Variants in RUBCNL observed in about 807,000 individuals in gnomAD.
RUBCNL encodes the protein protein associated with UVRAG as autophagy enhancer.
A neutral mutation model predicts 69.5 loss-of-function variants in RUBCNL; 62 were observed. That is an observed-to-expected ratio of 0.89 (90% confidence interval 0.73 to 1.10). RUBCNL has a LOEUF of 1.10. RUBCNL is among the 50% of genes least tolerant of loss of function. The probability of loss-of-function intolerance (pLI) is 0.00; values close to 1 mark genes in which losing one functional copy is unlikely to be tolerated. For synonymous variants in RUBCNL, 291 were observed against 303.6 expected (o/e 0.96, Z 0.43); for missense variants, 768 against 798.1 (o/e 0.96, Z 0.45).
At chr13:46,375,802 A>G (rs2048979631) in intron 2 of RUBCNL, among the ~76,000 whole-genome samples, 1 of 152,122 alleles carries the variant, frequency 6.6e-6, no homozygotes, top group Admixed American at 6.5e-5. Flanking sequence ...TAAGGATTAT[A>G]ATTTATACAC....
chr13:46,389,129 ACTTTTT>A (rs1303265163), upstream of RUBCNL, among the ~76,000 whole-genome samples: 1 of 152,202 alleles, frequency 6.6e-6, no homozygotes, highest in African/African-American at 2.4e-5. This position sits in a 1 kb window ranked among gnomAD's most constrained non-coding sequence, Gnocchi z 4.2. Flanking sequence ...TGTGCCAGGT[ACTTTTT>A]CTTATTATTT....
At chr13:46,353,347 AAC>A (rs1365947560) in intron 10 of RUBCNL, among the ~76,000 whole-genome samples, 5 of 152,326 alleles carry the variant, frequency 3.3e-5, no homozygotes, top group Admixed American at 2.6e-4. Flanking sequence ...TTCTGGTAGC[AAC>A]AGTTTCATCT....
chr13:46,386,620 G>C, intron 1 of RUBCNL, among the ~76,000 whole-genome samples: 1 of 152,122 alleles, frequency 6.6e-6, no homozygotes, highest in East Asian at 1.9e-4. Flanking sequence ...AGTGGGGGTT[G>C]CTATGTAGGG....
rs1200810242 is a variant in RUBCNL at position 46,338,535 on chromosome 13, G to T, written c.*4850C>A. Among the ~76,000 whole-genome samples, 1 of 152,138 alleles carries T rather than the reference G, an allele frequency of 6.6e-6. No individual in the cohort carries two copies. Among genetic ancestry groups the T allele is most frequent in the Non-Finnish European group, 1.5e-5 (1 of 68,032 alleles). On this transcript the variant is annotated 3_prime_UTR_variant, in exon 15 of 15. Coordinates refer to ENST00000429979, the MANE Select transcript of RUBCNL (RefSeq NM_025113.5). ...GGGGCTCCATTTGATCTAACAGGAG[G>T]GGTGGGGGCTTTGGGTGCGCTTGCC... is the stretch of plus-strand genomic sequence containing the variant.
At chr13:46,368,363 T>C in intron 4 of RUBCNL, 114 bp from the exon 5 acceptor site, 2 of 1,405,988 alleles carry the variant, frequency 1.4e-6, no homozygotes, top group South Asian at 2.9e-5. Flanking sequence ...CATATCAGTA[T>C]AAATATTCAT....
intron 1 of RUBCNL, among the ~76,000 whole-genome samples, chr13:46,386,045 T>C (rs2049235156): frequency 1.3e-5 from 2 of 152,302 alleles, no homozygotes; most frequent in South Asian, 2.1e-4. Flanking sequence ...GCCATAAAGA[T>C]GCTGTCTTAA....
chr13:46,363,018 A>T, intron 6 of RUBCNL, 97 bp downstream of exon 6: 1 of 342,214 alleles, frequency 2.9e-6, no homozygotes, highest in Non-Finnish European at 5.0e-6. Context: ...TTTGAATGCC[A>T]CTGTAACGTA....
intron 5 of RUBCNL, 63 bp from the exon 6 acceptor site, chr13:46,363,276 C>A: frequency 1.4e-6 from 1 of 722,392 alleles, no homozygotes; most frequent in Non-Finnish European, 2.2e-6. Flanking sequence ...GTACAACCTG[C>A]AACACCCAAC....
intron 9 of RUBCNL, among the ~76,000 whole-genome samples, chr13:46,359,007 G>T (rs917645285): frequency 2.6e-5 from 4 of 152,036 alleles, no homozygotes; most frequent in Non-Finnish European, 5.9e-5. Context: ...GGCTGAGCGA[G>T]GTGGCTCACA....
In RUBCNL at chr13:46,371,811, G is replaced by T. The variant is rs181632809; in HGVS notation, c.535+130C>A. The T allele has an allele frequency of 1.4e-4, 127 of 903,406 alleles. 1 individual carries two copies. The African/African-American group carries it at 1.9e-3, about 14-fold the overall frequency. 56.0% of individuals were successfully genotyped at this position (903,406 alleles called of 1,614,324 possible). A position where few individuals can be genotyped will look rare whatever the true frequency, so the allele number is the denominator to read the frequency against. ...TTCACCTGTTGTGACCGCCCAGATG[G>T]CTGGGCTGCTGACAATATTAGATGA... On this transcript the variant is annotated intron_variant, in intron 3 of 14. Coordinates refer to ENST00000429979, the MANE Select transcript of RUBCNL (RefSeq NM_025113.5).
intron 4 of RUBCNL, 92 bp from the exon 5 acceptor site, chr13:46,368,341 G>T: frequency 6.9e-7 from 1 of 1,443,654 alleles, no homozygotes; most frequent in Non-Finnish European, 9.3e-7. Flanking sequence ...CTCTATTTAA[G>T]TGGAATTAAT....
At chr13:46,371,873 G>T in intron 3 of RUBCNL, 68 bp downstream of exon 3, 1 of 1,495,412 alleles carries the variant, frequency 6.7e-7, no homozygotes, top group Non-Finnish European at 9.1e-7. Context: ...CAACAAGGCA[G>T]GCTTTAGAGC....
chr13:46,372,528 T>C lies in RUBCNL; in HGVS notation c.-53A>G. ...CCATTCAAAACAGATAGGAGTTCCC[T>C]GATTGCTGGTACTACTTGATTTGGG... On this transcript the variant is annotated 5_prime_UTR_variant, in exon 3 of 15. Coordinates refer to ENST00000429979, the MANE Select transcript of RUBCNL (RefSeq NM_025113.5). 2.6e-6 allele frequency: 4 copies of C among 1,528,196 alleles called. No individual in the cohort carries two copies. The highest frequency in any genetic ancestry group is 3.5e-6 in the Non-Finnish European group (4 of 1,133,852). 94.7% of individuals were successfully genotyped at this position (1,528,196 alleles called of 1,614,324 possible).
chr13:46,344,858 C>T, intron 13 of RUBCNL, 27 bp from the exon 14 acceptor site: 1 of 1,481,408 alleles, frequency 6.8e-7, no homozygotes. Flanking sequence ...CAAAAAGTTA[C>T]AACCTTCTCT....
rs192517569 is a variant in RUBCNL at position 46,338,866 on chromosome 13, G to C, written c.*4519C>G. Among the ~76,000 whole-genome samples the C allele has an allele frequency of 2.6e-5, 4 of 152,128 alleles. No homozygotes were observed. The East Asian group carries it at 7.8e-4, about 29-fold the overall frequency. ...CTGAGACCAGCCTGGCCAACATGGC[G>C]AAACCCCGTCTCTACCAAAAACAGA... is the stretch of plus-strand genomic sequence containing the variant. On this transcript the variant is annotated 3_prime_UTR_variant, in exon 15 of 15. Transcript: ENST00000429979.
At chr13:46,385,033 A>G (rs1300408550) in intron 1 of RUBCNL, among the ~76,000 whole-genome samples, 1 of 152,174 alleles carries the variant, frequency 6.6e-6, no homozygotes, top group Admixed American at 6.5e-5. Flanking sequence ...GACCCAATTA[A>G]ATATAATTTT....
intron 2 of RUBCNL, chr13:46,374,650 A>T (rs1188302672): frequency 6.6e-6 from 1 of 152,240 alleles, no homozygotes; most frequent in Admixed American, 6.5e-5. Flanking sequence ...CCTAAATCAG[A>T]TCATGTCATT....
chr13:46,347,642 T>C (rs2048275839), intron 12 of RUBCNL, among the ~76,000 whole-genome samples: 1 of 152,002 alleles, frequency 6.6e-6, no homozygotes, highest in Non-Finnish European at 1.5e-5. Context: ...GATGAATAGA[T>C]GGATTAAAAA....
rs2048109724 is a variant in RUBCNL at position 46,337,130 on chromosome 13, T to G, written c.*6255A>C. On this transcript the variant is annotated 3_prime_UTR_variant, in exon 15 of 15. Transcript: ENST00000429979. ...CCCAGGGGGTTCTCTCTCTCTCTCT[T>G]TTCCTTTTTCTTTTTTTGGGGGCAG... 6.6e-6 allele frequency among the ~76,000 whole-genome samples: 1 copy of G among 151,402 alleles called. No individual in the cohort carries two copies. Among genetic ancestry groups the G allele is most frequent in the African/African-American group, 2.4e-5 (1 of 41,128 alleles).
Sources: allele counts gnomAD v4.1 joint callset (sites outside exome capture counted in the v4.1 genomes callset), GRCh38; gene constraint gnomAD v4.1.1; non-coding constraint Gnocchi (gnomAD v3.1); transcripts MANE v1.5; gene names NCBI Gene and HGNC (gene_info 2026-07-23, HGNC 2026-07-21).